The following FRMD6 variants were observed in gnomAD, a reference collection of about 807,000 sequenced individuals.
FRMD6 encodes FERM domain containing 6.
Under a neutral mutation model 73.2 loss-of-function variants are expected in FRMD6, and 37 were observed. The observed-to-expected ratio is 0.51, with a 90% CI of 0.39 to 0.66. The LOEUF (loss-of-function observed/expected upper bound fraction) is 0.66. FRMD6 is among the 30% of genes least tolerant of loss of function. The pLI, the probability that FRMD6 is intolerant of heterozygous loss-of-function variation, is 0.00. For missense variants in FRMD6, 714 were observed against 780.5 expected, an observed-to-expected ratio of 0.91 and a Z score of 1.02; for synonymous variants, 273 against 282.2, an observed-to-expected ratio of 0.97 and a Z score of 0.33.
chr14:51,723,516 C>G (rs990880027), intron 12 of FRMD6, among the ~76,000 whole-genome samples: 11 of 152,000 alleles, frequency 7.2e-5, no homozygotes, highest in African/African-American at 2.7e-4. Context: ...TGTGGTGGCT[C>G]ACACGTATAA....
At chr14:51,511,768 C>T (rs951007453) in intron 1 of FRMD6, among the ~76,000 whole-genome samples, 11 of 151,930 alleles carry the variant, frequency 7.2e-5, no homozygotes, top group African/African-American at 2.7e-4. Context: ...GGAGAAATAC[C>T]TAATGTAGGT....
At chr14:51,678,187 A>T (rs1241947368) in intron 1 of FRMD6, among the ~76,000 whole-genome samples, 1 of 152,138 alleles carries the variant, frequency 6.6e-6, no homozygotes, top group Non-Finnish European at 1.5e-5. Flanking sequence ...AGGTGAAGAG[A>T]CTTTGTCAAA....
At chr14:51,570,062 A>G (rs557800651) in intron 1 of FRMD6, among the ~76,000 whole-genome samples, 23 of 151,980 alleles carry the variant, frequency 1.5e-4, no homozygotes, top group East Asian at 3.9e-4. Flanking sequence ...TGATCTGCCC[A>G]CCTTGGCCTC....
the FRMD6 span, among the ~76,000 whole-genome samples, chr14:51,447,152 G>C: frequency 6.6e-6 from 1 of 152,304 alleles, no homozygotes; most frequent in South Asian, 2.1e-4. Flanking sequence ...GCATGGAGTA[G>C]AAAAGCGTAA....
At chr14:51,408,140 T>C in the FRMD6 span, among the ~76,000 whole-genome samples, 1 of 151,922 alleles carries the variant, frequency 6.6e-6, no homozygotes, top group South Asian at 2.1e-4. Context: ...TTATTAGTAT[T>C]GGAAAATTCT....
intron 2 of FRMD6, among the ~76,000 whole-genome samples, chr14:51,601,422 T>C (rs1301000274): frequency 1.3e-5 from 2 of 152,202 alleles, no homozygotes; most frequent in Non-Finnish European, 2.9e-5. Context: ...AGGATACCTT[T>C]GCAGGAAATG....
intron 13 of FRMD6, 136 bp downstream of exon 13, chr14:51,726,006 C>A: frequency 1.8e-6 from 1 of 559,490 alleles, no homozygotes; most frequent in South Asian, 2.3e-5. Context: ...TACATTCTAG[C>A]TTTATTCTGA....
rs1437525397 is a variant in FRMD6, at chr14:51,563,364, G to A, written c.-209-6984G>A. Among the ~76,000 whole-genome samples, 3 of 152,314 alleles carry A rather than the reference G, an allele frequency of 2.0e-5. No individual in the cohort carries two copies. The East Asian group carries it at 5.8e-4, about 29-fold the overall frequency. On this transcript the variant is annotated intron_variant, in intron 1 of 14. Coordinates refer to the FRMD6 transcript ENST00000356218. ...TAAGGCATAGCCATCAAGAGCTAGAGCCATGGTAGAAAAAAGCTACTGTGG... is the reference window on the plus strand; with the variant it reads ...TAAGGCATAGCCATCAAGAGCTAGAACCATGGTAGAAAAAAGCTACTGTGG...
At chr14:51,553,046 G>A (rs745964070) in intron 1 of FRMD6, among the ~76,000 whole-genome samples, 26 of 152,162 alleles carry the variant, frequency 1.7e-4, no homozygotes, top group Admixed American at 3.9e-4. Context: ...ACAGTGAATT[G>A]GCAAGCAGAT....
intron 2 of FRMD6, among the ~76,000 whole-genome samples, chr14:51,633,989 A>C (rs1193822116): frequency 6.6e-6 from 1 of 150,690 alleles, no homozygotes; most frequent in African/African-American, 2.5e-5. Flanking sequence ...GGTTTACAGA[A>C]CATGCCTGTG....
intron 1 of FRMD6, among the ~76,000 whole-genome samples, chr14:51,677,575 T>A (rs949145910): frequency 6.6e-6 from 1 of 152,168 alleles, no homozygotes; most frequent in Non-Finnish European, 1.5e-5. Context: ...AAACCTGATA[T>A]GACTTTTGAA....
chr14:51,430,513 G>A, the FRMD6 span, among the ~76,000 whole-genome samples: 1 of 149,672 alleles, frequency 6.7e-6, no homozygotes, highest in Non-Finnish European at 1.5e-5. Context: ...CCTTTATTTT[G>A]AAAGTTTAGG....
chr14:51,677,757 G>A (rs952636920), intron 1 of FRMD6, among the ~76,000 whole-genome samples: 2 of 152,116 alleles, frequency 1.3e-5, no homozygotes, highest in African/African-American at 2.4e-5. Context: ...CACACCGCCA[G>A]ATCTAGATGT....
chr14:51,684,161 T>TA (rs35178247), intron 1 of FRMD6, among the ~76,000 whole-genome samples: 1,656 of 145,094 alleles, frequency 0.011, 12 homozygotes, highest in East Asian at 0.017. Flanking sequence ...AAATGACCCT[T>TA]AAAAAAAAAA....
chr14:51,415,598 A>G, the FRMD6 span, among the ~76,000 whole-genome samples: 7 of 152,188 alleles, frequency 4.6e-5, no homozygotes, highest in African/African-American at 1.7e-4. Context: ...CATCAGGGAT[A>G]TTGGTCTAAA....
At chr14:51,705,526 A>T (rs1169510929) in intron 6 of FRMD6, among the ~76,000 whole-genome samples, 1 of 152,064 alleles carries the variant, frequency 6.6e-6, no homozygotes, top group Non-Finnish European at 1.5e-5. Flanking sequence ...GCCCCTCCCC[A>T]AAGTAACTCT....
intron 5 of FRMD6, 89 bp from the exon 6 acceptor site, chr14:51,704,660 A>G: frequency 1.9e-6 from 2 of 1,071,848 alleles, no homozygotes; most frequent in Non-Finnish European, 2.7e-6. Flanking sequence ...GGTTCCTGTC[A>G]CCAGATGGAG....
the FRMD6 span, among the ~76,000 whole-genome samples, chr14:51,445,030 TA>T: frequency 6.6e-6 from 1 of 152,148 alleles, no homozygotes; most frequent in South Asian, 2.1e-4. Context: ...GATCAACTAT[TA>T]ATTTTTTTAT....
intron 1 of FRMD6, among the ~76,000 whole-genome samples, chr14:51,666,834 G>T (rs1474115193): frequency 1.3e-5 from 2 of 152,124 alleles, no homozygotes; most frequent in Non-Finnish European, 2.9e-5. Context: ...GGGGAATTAG[G>T]CTAGAAATTT....
Sources: gnomAD v4.1 joint callset for allele counts (sites outside exome capture counted in the v4.1 genomes callset) on GRCh38, gnomAD v4.1.1 for gene constraint, MANE v1.5 for transcripts, NCBI Gene and HGNC (gene_info 2026-07-23, HGNC 2026-07-21) for gene names.